Variants in CLEC16A observed in about 807,000 individuals in gnomAD.
CLEC16A encodes the protein C-type lectin domain containing 16A.
A neutral mutation model predicts 109.5 loss-of-function variants in CLEC16A; 51 were observed. The ratio of observed to expected loss-of-function variants is 0.47; its 90% CI spans 0.37 to 0.59. The LOEUF (loss-of-function observed/expected upper bound fraction) is 0.59. CLEC16A is among the 20% of genes least tolerant of loss of function. CLEC16A has a pLI of 0.00. For missense variants in CLEC16A, 1,339 were observed against 1,394.0 expected (o/e 0.96, Z 0.63); for synonymous variants, 673 against 564.2 (o/e 1.19, Z -2.73).
chr16:11,058,645 A>G (rs994150976), intron 18 of CLEC16A, among the ~76,000 whole-genome samples: 15 of 151,960 alleles, frequency 9.9e-5, no homozygotes, highest in African/African-American at 3.6e-4. Flanking sequence ...GATGATTGTT[A>G]TTATCCATGT....
chr16:11,166,437 C>T lies in CLEC16A; in HGVS notation c.2691C>T (p.Ser897=), dbSNP rs1356193357. The T allele has an allele frequency of 2.5e-6, 4 of 1,607,170 alleles. No homozygotes were observed. The highest frequency in any genetic ancestry group is 3.4e-6 in the Non-Finnish European group (4 of 1,179,786). Residue 897 remains serine, a synonymous_variant, in exon 23 of 24, where the codon TCC becomes TCT. Coordinates refer to ENST00000409790, the MANE Select transcript of CLEC16A (RefSeq NM_015226.3). The stretch of plus-strand genomic sequence containing the variant: ...ACCAGCACAGCTCCCCGTCCCTGTC[C>T]TCACAGTCGCCACCCTCCGCCAGCG... ...CINQHSSPSL[S]SQSPPSASGS...
At position 11,108,923 on chromosome 16, in the gene CLEC16A, A is replaced by C. The variant is rs183395977; in HGVS notation, c.2117-11692A>C. Among the ~76,000 whole-genome samples the C allele has an allele frequency of 3.1e-3, 479 of 152,068 alleles. 1 individual carries two copies. The highest frequency in any genetic ancestry group is 0.01 in the African/African-American group (421 of 41,514). On this transcript the variant is annotated intron_variant, in intron 19 of 23. Transcript: ENST00000409790. ...CAGGAGATCGAGACCATCCTGGCTA[A>C]CATGGTGAAACCCCATCTCTACTAA...
At chr16:10,964,539 T>C (rs1596774882) in intron 3 of CLEC16A, among the ~76,000 whole-genome samples, 1 of 152,164 alleles carries the variant, frequency 6.6e-6, no homozygotes, top group Admixed American at 6.5e-5. Flanking sequence ...TGAGAGCAGG[T>C]GTTCAGAGCG....
chr16:11,049,861 ACCCCTGC>A (rs1048315321), intron 17 of CLEC16A, among the ~76,000 whole-genome samples: 1 of 152,196 alleles, frequency 6.6e-6, no homozygotes, highest in African/African-American at 2.4e-5. Context: ...AGGAACTGCC[ACCCCTGC>A]GGGGTTAGAG....
Position 11,024,837 on chromosome 16 carries a change from G to T in CLEC16A, c.1453G>T (p.Val485Leu), listed in dbSNP as rs1315829462. The change falls in exon 13 of 24, where the codon GTG becomes TTG. Residue 485 changes from valine (V) to leucine (L), a missense_variant. Physicochemically the swap from Val to Leu is conservative, Grantham distance 32. This residue lies in a region of CLEC16A where 1,061 missense variants were observed against 1,006.8 expected (regional missense o/e 1.05). Transcript: ENST00000409790. ...CTTTTCCAGACCCTTCCTGGATATG[G>T]TGTACCACGCGCTGGACAGCCCGGA... ...TQWSRPFLDM[V>L]YHALDSPDDD... is the part of the protein sequence containing the mutation. 1 of 1,603,762 alleles carries T rather than the reference G, an allele frequency of 6.2e-7. No individual in the cohort carries two copies. Among genetic ancestry groups the T allele is most frequent in the Admixed American group, 1.7e-5 (1 of 58,708 alleles).
chr16:11,102,023 G>C (rs566510902), intron 19 of CLEC16A, among the ~76,000 whole-genome samples: 34 of 149,252 alleles, frequency 2.3e-4, no homozygotes, highest in African/African-American at 8.4e-4. Flanking sequence ...ATGTTGCCTA[G>C]GCTGGTCTCA....
At chr16:10,948,079 G>C (rs914655712) in intron 1 of CLEC16A, among the ~76,000 whole-genome samples, 2 of 152,106 alleles carry the variant, frequency 1.3e-5, no homozygotes, top group African/African-American at 4.8e-5. Flanking sequence ...ATTTTTAGTA[G>C]AGACGGGGTT....
At chr16:10,969,826 T>C (rs929093735) in intron 4 of CLEC16A, among the ~76,000 whole-genome samples, 2 of 152,218 alleles carry the variant, frequency 1.3e-5, no homozygotes, top group African/African-American at 4.8e-5. Flanking sequence ...TCCCAGTCCC[T>C]TTCTGAACCT....
chr16:11,041,746 A>T (rs1175794808), intron 14 of CLEC16A: 1 of 153,402 alleles, frequency 6.5e-6, no homozygotes, highest in African/African-American at 2.4e-5. Flanking sequence ...CTCTTAACCC[A>T]GCAGTTCCAG....
chr16:11,171,943 C>G (rs1375581534), intron 23 of CLEC16A, among the ~76,000 whole-genome samples: 1 of 151,898 alleles, frequency 6.6e-6, no homozygotes, highest in Non-Finnish European at 1.5e-5. Context: ...CTCACACATA[C>G]AAGTGTGCAT....
At chr16:11,090,068 C>T (rs2050219085) in intron 19 of CLEC16A, among the ~76,000 whole-genome samples, 1 of 152,048 alleles carries the variant, frequency 6.6e-6, no homozygotes, top group Non-Finnish European at 1.5e-5. Flanking sequence ...TAAAATAGTC[C>T]CAGAAATACG....
chr16:11,081,390 G>A (rs2049706845), intron 19 of CLEC16A, among the ~76,000 whole-genome samples: 1 of 152,102 alleles, frequency 6.6e-6, no homozygotes, highest in Non-Finnish European at 1.5e-5. Flanking sequence ...CCTCTGTCCT[G>A]GGCACCCAGC....
intron 21 of CLEC16A, 75 bp from the exon 22 acceptor site, chr16:11,125,904 T>TCC (rs3214361): frequency 6.7e-4 from 123 of 182,902 alleles, no homozygotes; most frequent in African/African-American, 2.8e-3. Flanking sequence ...CACTACGATG[T>TCC]CCCCCCCCCC....
chr16:11,132,476 T>G (rs898633236), intron 22 of CLEC16A, among the ~76,000 whole-genome samples: 68 of 152,152 alleles, frequency 4.5e-4, no homozygotes, highest in African/African-American at 1.6e-3. Flanking sequence ...ACATTTGGGC[T>G]GTGTCTGCCT....
chr16:11,090,811 ATTT>A (rs71136616), intron 19 of CLEC16A, among the ~76,000 whole-genome samples: 85 of 80,704 alleles, frequency 1.1e-3, no homozygotes, highest in East Asian at 4.0e-3. Flanking sequence ...TACCCAGCTA[ATTT>A]TTTTTTTTTT....
At chr16:11,009,209 A>G (rs1444550428) in intron 11 of CLEC16A, among the ~76,000 whole-genome samples, 1 of 152,156 alleles carries the variant, frequency 6.6e-6, no homozygotes, top group Non-Finnish European at 1.5e-5. Flanking sequence ...CCTGGCTTGC[A>G]TCACTTAGCA....
At chr16:10,990,239 G>A (rs1302536529) in intron 10 of CLEC16A, among the ~76,000 whole-genome samples, 1 of 152,186 alleles carries the variant, frequency 6.6e-6, no homozygotes, top group African/African-American at 2.4e-5. Flanking sequence ...ATCCCTCACT[G>A]CAGTTACGGC....
chr16:11,087,171 G>C lies in CLEC16A; in HGVS notation c.2116+26149G>C, dbSNP rs138084934. Reference sequence around the variant, plus strand: ...TGAGATAAAATTAGAAACCATTCACGTAGGTGCCATCTAAAACCATCTTAG... The same window carrying C: ...TGAGATAAAATTAGAAACCATTCACCTAGGTGCCATCTAAAACCATCTTAG... On this transcript the variant is annotated intron_variant, in intron 19 of 23. Coordinates refer to ENST00000409790, the MANE Select transcript of CLEC16A (RefSeq NM_015226.3). 9.5e-3 allele frequency among the ~76,000 whole-genome samples: 1,450 copies of C among 152,278 alleles called. 31 individuals are homozygous for C. Among genetic ancestry groups the C allele is most frequent in the African/African-American group, 0.033 (1,384 of 41,520 alleles).
At chr16:10,958,790 G>T (rs2042113063) in intron 2 of CLEC16A, among the ~76,000 whole-genome samples, 1 of 152,078 alleles carries the variant, frequency 6.6e-6, no homozygotes, top group African/African-American at 2.4e-5. Context: ...TGTGTTCCCA[G>T]CTACTCAGAA....
Sources: allele counts gnomAD v4.1 joint callset (sites outside exome capture counted in the v4.1 genomes callset), GRCh38; gene constraint gnomAD v4.1.1; regional missense constraint gnomAD v4.1.1; transcripts MANE v1.5; gene names NCBI Gene and HGNC (gene_info 2026-07-23, HGNC 2026-07-21).